DMBT1: variants seen among roughly 807,000 people sequenced by gnomAD.
DMBT1 encodes the protein deleted in malignant brain tumors 1.
In DMBT1, 198 loss-of-function variants were observed where a neutral mutation model predicts 252.9. The observed-to-expected ratio is 0.78, with a 90% CI of 0.70 to 0.88. The LOEUF (loss-of-function observed/expected upper bound fraction) is 0.88. DMBT1 is among the 40% of genes least tolerant of loss of function. The pLI is 0.00. For missense variants in DMBT1, 2,432 were observed against 2,404.7 expected (o/e 1.01, Z -0.24); for synonymous variants, 990 against 942.7 (o/e 1.05, Z -0.92).
rs2097996310 is a variant in DMBT1, at chr10:122,617,258, C to A, written c.4889C>A (p.Ala1630Glu). The A allele has an allele frequency of 6.2e-7, 1 of 1,609,684 alleles. No individual in the cohort carries two copies. Reference protein sequence around the residue: ...DTWPTSRASTAGSESTLALRL... With the variant: ...DTWPTSRASTEGSESTLALRL... Reference sequence around the variant, plus strand: ...TGGCCAACCTCTCGTGCATCAACAGCAGGTAAACAATCCTCTCACCCCTCC... The same window carrying A: ...TGGCCAACCTCTCGTGCATCAACAGAAGGTAAACAATCCTCTCACCCCTCC... Residue 1630 changes from alanine to glutamate, a missense_variant and splice_region_variant, in exon 40 of 56, where the codon GCA (alanine) becomes GAA (glutamate). Around this residue, in one of 3 missense-constraint regions of DMBT1, gnomAD observed 1,162 missense variants for 1,169.0 expected, o/e 0.99. Transcript: ENST00000338354.
chr10:122,597,919 T>G, intron 24 of DMBT1, 55 bp from the exon 25 acceptor site: 1 of 1,613,280 alleles, frequency 6.2e-7, no homozygotes. Context: ...CCTTTCCTTT[T>G]GGAGATTTTC....
intron 2 of DMBT1, among the ~76,000 whole-genome samples, chr10:122,568,452 A>G (rs555820751): frequency 2.6e-5 from 4 of 152,280 alleles, no homozygotes; most frequent in African/African-American, 9.6e-5. Context: ...ACATGGAAGA[A>G]CAAGGATACT....
At chr10:122,599,310 G>GT (rs981932010) in intron 26 of DMBT1, among the ~76,000 whole-genome samples, 1 of 152,204 alleles carries the variant, frequency 6.6e-6, no homozygotes, top group East Asian at 1.9e-4. Context: ...ACAACCCAGA[G>GT]TTTTTCCCCT....
intron 16 of DMBT1, 125 bp downstream of exon 16, chr10:122,586,508 C>T: frequency 7.1e-7 from 1 of 1,415,388 alleles, no homozygotes; most frequent in Non-Finnish European, 9.4e-7. Context: ...ACCTCCTTAG[C>T]TCTCTCCTAG....
At chr10:122,630,789 C>A (rs1402816957) in intron 48 of DMBT1, among the ~76,000 whole-genome samples, 172 bp from the exon 49 acceptor site, 1 of 152,120 alleles carries the variant, frequency 6.6e-6, no homozygotes, top group African/African-American at 2.4e-5. Context: ...TGTCTAGAGC[C>A]CCTTTCAGCT....
intron 8 of DMBT1, 63 bp downstream of exon 8, chr10:122,577,903 A>G (rs2097727327): frequency 1.7e-5 from 26 of 1,558,452 alleles, no homozygotes; most frequent in Non-Finnish European, 2.1e-5. Flanking sequence ...CCCCTTCCCT[A>G]CTCCACAGAG....
At chr10:122,622,131 G>C (rs1176798932) in intron 44 of DMBT1, among the ~76,000 whole-genome samples, 1 of 152,206 alleles carries the variant, frequency 6.6e-6, no homozygotes, top group Admixed American at 6.5e-5. Context: ...CAGACACAGA[G>C]TTAATTGCCT....
At chr10:122,564,100 G>T (rs2133499060) in intron 1 of DMBT1, among the ~76,000 whole-genome samples, 1 of 152,322 alleles carries the variant, frequency 6.6e-6, no homozygotes, top group African/African-American at 2.4e-5. Context: ...GGGATGCATA[G>T]CCACATGGTT....
chr10:122,600,171 C>T, intron 27 of DMBT1, 78 bp downstream of exon 27: 1 of 1,535,262 alleles, frequency 6.5e-7, no homozygotes, highest in Non-Finnish European at 8.9e-7. Flanking sequence ...ACAGAGCTCT[C>T]CTGTTTCTCT....
chr10:122,588,826 A>T lies in DMBT1; in HGVS notation c.1784-118A>T. The T allele has an allele frequency of 1.3e-6, 2 of 1,516,290 alleles. 1 individual carries two copies. Among genetic ancestry groups the T allele is most frequent in the East Asian group, 4.7e-5 (2 of 42,228 alleles). The allele number at this position is 1,516,290 out of a possible 1,614,324, so 93.9% of individuals were successfully genotyped here. ...GAACCTCTGGTTGCAGTCATCTTTA[A>T]TCGTGACTGCCTGCCCAGGTGACTT... On this transcript the variant is annotated intron_variant, in intron 16 of 55. Coordinates refer to ENST00000338354, the MANE Select transcript of DMBT1 (RefSeq NM_001377530.1).
intron 16 of DMBT1, among the ~76,000 whole-genome samples, chr10:122,586,845 G>A (rs2097794527): frequency 2.7e-5 from 4 of 148,376 alleles, no homozygotes; most frequent in Admixed American, 2.0e-4. Context: ...CCTGGGCAGA[G>A]GTCACATGGC....
At chr10:122,634,400 C>CTTTCTTTCT (rs1289740443) in intron 52 of DMBT1, among the ~76,000 whole-genome samples, 27 of 84,414 alleles carry the variant, frequency 3.2e-4, no homozygotes, top group South Asian at 1.3e-3. Context: ...TTCTTTCTTT[C>CTTTCTTTCT]TTTTCTTTCT....
chr10:122,643,327 G>C lies in DMBT1; in HGVS notation c.7558G>C (p.Glu2520Gln), dbSNP rs1287410971. 1 of 1,613,988 alleles carries C rather than the reference G, an allele frequency of 6.2e-7. No individual in the cohort carries two copies. Among genetic ancestry groups the C allele is most frequent in the African/African-American group, 1.3e-5 (1 of 75,046 alleles). Residue 2520 changes from glutamate to glutamine, a missense_variant, in exon 56 of 56, where the codon GAA becomes CAA. Glu to Gln is a conservative substitution (Grantham distance 29, BLOSUM62 2). This residue lies in a region of DMBT1 where 1,162 missense variants were observed against 1,169.0 expected (regional missense o/e 0.99). Transcript: ENST00000338354. ...GAAGAGGGATGTGGGCTCCTACCAGGAAAAGGTGGACGTCGTCCTGGGTCC... is the reference window on the plus strand; with the variant it reads ...GAAGAGGGATGTGGGCTCCTACCAGCAAAAGGTGGACGTCGTCCTGGGTCC... ...RSKRDVGSYQEKVDVVLGPIQ... is the reference protein window; with the variant it reads ...RSKRDVGSYQQKVDVVLGPIQ...
Position 122,640,903 on chromosome 10 carries a change from G to A in DMBT1, c.7352+454G>A, listed in dbSNP as rs145613130. The stretch of plus-strand genomic sequence containing the variant: ...GTGCCAGTTGCATGATTCTGGGCCA[G>A]TGAAAGCACCTCTATGGACCAGTTG... On this transcript the variant is annotated intron_variant, in intron 55 of 55. Coordinates refer to ENST00000338354, the MANE Select transcript of DMBT1 (RefSeq NM_001377530.1). 3.7e-4 allele frequency among the ~76,000 whole-genome samples: 56 copies of A among 152,336 alleles called. No individual in the cohort carries two copies. In the East Asian group the frequency reaches 6.6e-3, roughly 18 times the overall value.
intron 17 of DMBT1, among the ~76,000 whole-genome samples, chr10:122,590,346 A>C (rs1018913930): frequency 1.3e-5 from 2 of 148,828 alleles, no homozygotes; most frequent in African/African-American, 4.9e-5. Context: ...CACAGGCTGG[A>C]TTTTTGCTGG....
rs1422356008 is a variant in DMBT1 at position 122,578,727 on chromosome 10, C to T, written c.647C>T (p.Pro216Leu). ...PQSTLRPESW[P>L]VRISPPVPTE... ...TTGTTGCTGTTTACAGAAAGTTGGC[C>T]TGTCAGGATATCACCACCTGTACCC... Residue 216 changes from proline to leucine, a missense_variant, in exon 9 of 56, where the codon CCT (proline) becomes CTT (leucine). Around this residue, in one of 3 missense-constraint regions of DMBT1, gnomAD observed 1,264 missense variants for 1,082.2 expected, o/e 1.17. Coordinates refer to ENST00000338354, the MANE Select transcript of DMBT1 (RefSeq NM_001377530.1). 4 of 1,609,144 alleles carry T rather than the reference C, an allele frequency of 2.5e-6. No individual in the cohort carries two copies. Among genetic ancestry groups the T allele is most frequent in the Non-Finnish European group, 3.4e-6 (4 of 1,177,544 alleles).
At position 122,586,228 on chromosome 10, in the gene DMBT1, C is replaced by T. The variant is rs2097788170; in HGVS notation, c.1628C>T (p.Ala543Val). The change falls in exon 16 of 56, where the codon GCC becomes GTC. Residue 543 changes from alanine (A) to valine (V), a missense_variant. Transcript: ENST00000338354. The part of the protein sequence containing the change: ...RQLGCGWAML[A>V]PGNARFGQGS... ...CTGGGCTGTGGCTGGGCCATGTTGG[C>T]CCCAGGAAATGCCCGGTTTGGTCAG... 6.3e-7 allele frequency: 1 copy of T among 1,588,834 alleles called. No individual in the cohort carries two copies. Among genetic ancestry groups the T allele is most frequent in the Admixed American group, 1.7e-5 (1 of 59,556 alleles).
At chr10:122,627,449 A>G (rs1201683048) in intron 46 of DMBT1, among the ~76,000 whole-genome samples, 1 of 152,180 alleles carries the variant, frequency 6.6e-6, no homozygotes, top group African/African-American at 2.4e-5. Flanking sequence ...TCATGACCTT[A>G]AAATTAGCAT....
At chr10:122,619,917 G>C (rs1465455259) in intron 42 of DMBT1, among the ~76,000 whole-genome samples, 1 of 152,192 alleles carries the variant, frequency 6.6e-6, no homozygotes, top group Non-Finnish European at 1.5e-5. Context: ...GCGGCTCCTT[G>C]GTTCCCCTAA....
Sources: gnomAD v4.1 joint callset for allele counts (sites outside exome capture counted in the v4.1 genomes callset) on GRCh38, gnomAD v4.1.1 for gene constraint, gnomAD v4.1.1 regional missense constraint, MANE v1.5 for transcripts, NCBI Gene and HGNC (gene_info 2026-07-23, HGNC 2026-07-21) for gene names.